Variants in ZFHX3 observed in about 807,000 individuals in gnomAD.
ZFHX3 encodes zinc finger homeobox protein 3.
Under a neutral mutation model 279.1 loss-of-function variants are expected in ZFHX3, and 42 were observed. The ratio of observed to expected loss-of-function variants is 0.15; its 90% CI spans 0.12 to 0.19. ZFHX3 has a LOEUF of 0.19. Among genes scored for constraint, ZFHX3 ranks in the 10% least tolerant of loss-of-function variants. ZFHX3 has a pLI of 1.00. For synonymous variants in ZFHX3, 2,293 were observed against 1,957.8 expected (o/e 1.17, Z -4.52); for missense variants, 4,981 against 4,754.0 (o/e 1.05, Z -1.40).
chr16:73,317,458 T>A (rs1402647496), intron 4 of ZFHX3, among the ~76,000 whole-genome samples: 1 of 152,226 alleles, frequency 6.6e-6, no homozygotes, highest in Non-Finnish European at 1.5e-5. Context: ...CTCAACACAC[T>A]ATACTCAAAT....
chr16:73,699,470 T>C (rs887239613), intron 1 of ZFHX3, among the ~76,000 whole-genome samples: 28 of 152,190 alleles, frequency 1.8e-4, no homozygotes, highest in Admixed American at 1.8e-3. Context: ...GAAAAGCTTT[T>C]CATATAGGGC....
intron 3 of ZFHX3, among the ~76,000 whole-genome samples, chr16:72,947,046 A>G (rs1249249810): frequency 6.6e-6 from 1 of 152,154 alleles, no homozygotes; most frequent in Non-Finnish European, 1.5e-5. Context: ...CAAGACGGTA[A>G]ATGTTAGGAC....
intron 1 of ZFHX3, among the ~76,000 whole-genome samples, chr16:73,847,405 A>C (rs1018245578): frequency 6.6e-6 from 1 of 152,166 alleles, no homozygotes; most frequent in African/African-American, 2.4e-5. Flanking sequence ...TCCCTGGAAA[A>C]TGCATTCCCA....
chr16:73,306,164 A>C (rs2015175575), intron 4 of ZFHX3, among the ~76,000 whole-genome samples: 1 of 152,140 alleles, frequency 6.6e-6, no homozygotes. Flanking sequence ...CCTGCCCTAG[A>C]GTGTATATGT....
At chr16:72,873,115 C>T (rs932912556) in intron 4 of ZFHX3, among the ~76,000 whole-genome samples, 5 of 152,240 alleles carry the variant, frequency 3.3e-5, no homozygotes, top group Non-Finnish European at 7.3e-5. Flanking sequence ...CTACTCACTA[C>T]GGATCATCTT....
intron 2 of ZFHX3, among the ~76,000 whole-genome samples, chr16:73,546,757 T>G (rs2020120887): frequency 6.6e-6 from 1 of 151,028 alleles, no homozygotes; most frequent in Non-Finnish European, 1.5e-5. Context: ...TTCGGCTTCT[T>G]CTTCTCCTTT....
chr16:73,139,106 G>C (rs950254759), intron 6 of ZFHX3, among the ~76,000 whole-genome samples: 2 of 152,154 alleles, frequency 1.3e-5, no homozygotes, highest in African/African-American at 4.8e-5. Flanking sequence ...AATGAGACGA[G>C]ACAGATTCAC....
intron 6 of ZFHX3, among the ~76,000 whole-genome samples, chr16:73,142,287 G>T (rs1410010006): frequency 6.6e-6 from 1 of 152,148 alleles, no homozygotes; most frequent in Non-Finnish European, 1.5e-5. Context: ...CTTGTTAAAG[G>T]TCAGGACCTC....
intron 3 of ZFHX3, among the ~76,000 whole-genome samples, chr16:72,926,259 A>C (rs1959442203): frequency 6.6e-6 from 1 of 152,196 alleles, no homozygotes; most frequent in Non-Finnish European, 1.5e-5. Context: ...ATAGTAACCA[A>C]CTAAACAGTT....
upstream of ZFHX3, chr16:73,061,886 A>C (rs1397478461): frequency 6.6e-6 from 1 of 152,174 alleles, no homozygotes; most frequent in Non-Finnish European, 1.5e-5. Flanking sequence ...CTTTAGTATA[A>C]GCTATTTGGA....
In ZFHX3 at chr16:73,215,781, A is replaced by G. The variant is rs537650917; in HGVS notation, c.-1104+41266T>C. Reference sequence around the variant, plus strand: ...CTGTGACTTTGTGGTTCTTTGCATTAAAGGTGGAACTTATTTCCTCATTGT... The same window carrying G: ...CTGTGACTTTGTGGTTCTTTGCATTGAAGGTGGAACTTATTTCCTCATTGT... On this transcript the variant is annotated intron_variant, in intron 5 of 17. Transcript: ENST00000641206. 2.6e-5 allele frequency among the ~76,000 whole-genome samples: 4 copies of G among 152,294 alleles called. No homozygotes were observed. In the South Asian group the frequency reaches 6.2e-4, roughly 24 times the overall value.
At chr16:73,525,228 A>G (rs961833707) in intron 2 of ZFHX3, among the ~76,000 whole-genome samples, 2 of 152,164 alleles carry the variant, frequency 1.3e-5, no homozygotes, top group Admixed American at 6.6e-5. Flanking sequence ...ACTTACATTT[A>G]CTGATCACTA....
chr16:73,187,780 G>C (rs893439827), intron 5 of ZFHX3, among the ~76,000 whole-genome samples: 1 of 152,188 alleles, frequency 6.6e-6, no homozygotes, highest in African/African-American at 2.4e-5. Context: ...AACTGTTGGC[G>C]TGGTTTCTAC....
intron 2 of ZFHX3, among the ~76,000 whole-genome samples, chr16:73,474,355 G>A (rs1330558241): frequency 6.6e-6 from 1 of 152,072 alleles, no homozygotes; most frequent in African/African-American, 2.4e-5. Context: ...CACCATATTG[G>A]CCAGGCCGGT....
chr16:73,726,986 C>CA (rs1198920377), intron 1 of ZFHX3, among the ~76,000 whole-genome samples: 1 of 152,144 alleles, frequency 6.6e-6, no homozygotes, highest in East Asian at 1.9e-4. Context: ...GGGGAGAGGG[C>CA]AAAATCATTC....
intron 2 of ZFHX3, among the ~76,000 whole-genome samples, chr16:73,616,356 G>C (rs1221695215): frequency 1.4e-5 from 2 of 146,706 alleles, no homozygotes; most frequent in African/African-American, 5.1e-5. Flanking sequence ...GCTGAAGTCT[G>C]TGTCAATCAC....
chr16:73,040,387 TTGATAG>T (rs1329920999), intron 1 of ZFHX3, among the ~76,000 whole-genome samples: 2 of 152,168 alleles, frequency 1.3e-5, no homozygotes, highest in African/African-American at 4.8e-5. Flanking sequence ...ACTCTGCAAG[TTGATAG>T]TATTTGCATA....
chr16:72,785,849 A>AAAAAT lies in ZFHX3; in HGVS notation c.*1310_*1314dup, dbSNP rs1232531896. 1 of 152,216 alleles carries AAAAAT rather than the reference A, an allele frequency of 6.6e-6. No homozygotes were observed. The highest frequency in any genetic ancestry group is 1.5e-5 in the Non-Finnish European group (1 of 68,026). 9.4% of individuals were successfully genotyped at this position (152,216 alleles called of 1,614,324 possible). ...AAAAAAGCCAAAAGAAGGATAAATA[A>AAAAAT]AAAATAAATGCACAAAGCTAACAGA... On this transcript the variant is annotated 3_prime_UTR_variant, in exon 10 of 10. Coordinates refer to ENST00000268489, the MANE Select transcript of ZFHX3 (RefSeq NM_006885.4).
At chr16:73,130,936 G>T (rs1012456894) in intron 7 of ZFHX3, 12 of 1,299,426 alleles carry the variant, frequency 9.2e-6, no homozygotes, top group Non-Finnish European at 1.1e-5. Flanking sequence ...AATGCAAATG[G>T]CTAGGGGCAC....
Sources: gnomAD v4.1 joint callset for allele counts (sites outside exome capture counted in the v4.1 genomes callset) on GRCh38, gnomAD v4.1.1 for gene constraint, MANE v1.5 for transcripts, NCBI Gene and HGNC (gene_info 2026-07-23, HGNC 2026-07-21) for gene names.